Variants in PDE4C observed in about 807,000 individuals in gnomAD.
PDE4C encodes the protein 3',5'-cyclic-AMP phosphodiesterase 4C.
PDE4C carries 50 observed loss-of-function variants against 63.9 expected under a neutral mutation model. That is an observed-to-expected ratio of 0.78 (90% CI 0.62 to 0.99). PDE4C has a LOEUF of 0.99. Ranked by LOEUF, PDE4C falls within the 50% of genes least tolerant of loss-of-function variation. The pLI is 0.00. For synonymous variants in PDE4C, 377 were observed against 385.1 expected, an observed-to-expected ratio of 0.98 and a Z score of 0.25; for missense variants, 777 against 899.1, an observed-to-expected ratio of 0.86 and a Z score of 1.74.
chr19:18,251,286 T>C (rs931233283), upstream of PDE4C, among the ~76,000 whole-genome samples: 1 of 150,122 alleles, frequency 6.7e-6, no homozygotes, highest in African/African-American at 2.5e-5. Context: ...CCACCATGCC[T>C]GGCTATTTTT....
intron 1 of PDE4C, among the ~76,000 whole-genome samples, chr19:18,239,456 A>G (rs978755674): frequency 1.3e-5 from 2 of 152,196 alleles, no homozygotes; most frequent in African/African-American, 4.8e-5. Flanking sequence ...CAGTTTGCCC[A>G]TCTGGGAAAT....
upstream of PDE4C, chr19:18,252,306 C>G (rs1339359945): frequency 5.0e-5 from 20 of 398,890 alleles, no homozygotes; most frequent in African/African-American, 3.5e-4. Context: ...AGGGGTTGCC[C>G]CTGAACTTGA....
At chr19:18,237,675 A>G (rs986398428), upstream of PDE4C, among the ~76,000 whole-genome samples, 4 of 151,906 alleles carry the variant, frequency 2.6e-5, no homozygotes, top group African/African-American at 9.7e-5. Context: ...GATCAATACC[A>G]TCCTGGCTAA....
chr19:18,234,933 G>T (rs1282662978), upstream of PDE4C, among the ~76,000 whole-genome samples: 1 of 152,154 alleles, frequency 6.6e-6, no homozygotes, highest in Non-Finnish European at 1.5e-5. Flanking sequence ...CTGACTGTGG[G>T]AGACAACTTG....
intron 9 of PDE4C, among the ~76,000 whole-genome samples, 185 bp from the exon 10 acceptor site, chr19:18,218,683 G>T (rs1968322846): frequency 6.6e-6 from 1 of 152,248 alleles, no homozygotes; most frequent in Non-Finnish European, 1.5e-5. Context: ...CTACAGGACT[G>T]GGGGTGTCTC....
upstream of PDE4C, chr19:18,250,312 C>A (rs1390829898): frequency 1.5e-5 from 6 of 399,030 alleles, no homozygotes; most frequent in Non-Finnish European, 2.2e-5. Context: ...CCTACCTTAC[C>A]ATGGACACCT....
exon 9 of PDE4C, chr19:18,218,974 C>T (rs2229228): frequency 0.31 from 501,111 of 1,611,852 alleles, 81,304 homozygotes; most frequent in Non-Finnish European, 0.33. Flanking sequence ...TGTGAGGGGC[C>T]GGTTCCCACT....
exon 14 of PDE4C, chr19:18,211,837 C>T (rs1482436866): frequency 6.2e-7 from 1 of 1,614,154 alleles, no homozygotes; most frequent in Non-Finnish European, 8.5e-7. Context: ...CGCGGTCTCC[C>T]TGCTGGAAGA....
intron 11 of PDE4C, 34 bp from the exon 12 acceptor site, chr19:18,216,929 C>G: frequency 1.3e-6 from 2 of 1,557,626 alleles, no homozygotes; most frequent in Non-Finnish European, 1.7e-6. Flanking sequence ...CCCCAAGATC[C>G]ACCCGCCCCA....
chr19:18,224,573 T>G (rs969734345), intron 1 of PDE4C: 1 of 939,290 alleles, frequency 1.1e-6, no homozygotes, highest in Non-Finnish European at 1.3e-6. Context: ...AGACTTCGGA[T>G]AAGTTCGAGC....
upstream of PDE4C, among the ~76,000 whole-genome samples, chr19:18,248,751 G>A (rs960132195): frequency 2.0e-5 from 3 of 152,106 alleles, no homozygotes; most frequent in Non-Finnish European, 2.9e-5. Context: ...TTGGCTGGGC[G>A]CGGTGGCTCA....
chr19:18,219,339 C>T, exon 8 of PDE4C: 1 of 1,614,006 alleles, frequency 6.2e-7, no homozygotes, highest in Non-Finnish European at 8.5e-7. Context: ...TGATCCGGGA[C>T]ATGGGCTGTG....
intron 2 of PDE4C, among the ~76,000 whole-genome samples, chr19:18,221,592 C>T (rs1968487279): frequency 6.6e-6 from 1 of 150,944 alleles, no homozygotes. Flanking sequence ...TCATTTGCTG[C>T]TAATTGGCCT....
chr19:18,215,523 A>ATT (rs541345602), intron 12 of PDE4C, among the ~76,000 whole-genome samples: 6 of 148,260 alleles, frequency 4.0e-5, no homozygotes, highest in African/African-American at 1.5e-4. Flanking sequence ...GATGTGTATA[A>ATT]TTTTTTTTTT....
chr19:18,221,273 C>T (rs768698724), exon 3 of PDE4C: 120 of 1,543,970 alleles, frequency 7.8e-5, no homozygotes, highest in Non-Finnish European at 9.6e-5. Flanking sequence ...GGGCAAAGGG[C>T]GTCACAATCA....
At chr19:18,211,884 G>A in exon 14 of PDE4C, 3 of 1,614,240 alleles carry the variant, frequency 1.9e-6, no homozygotes, top group Non-Finnish European at 1.7e-6. Context: ...TGGCGGTACA[G>A]GGGCAGCGGC....
intron 2 of PDE4C, among the ~76,000 whole-genome samples, chr19:18,221,657 C>T (rs1383422401): frequency 6.6e-6 from 1 of 152,152 alleles, no homozygotes; most frequent in Non-Finnish European, 1.5e-5. Context: ...CAGACTCTTG[C>T]TCTTTCGCCC....
intron 1 of PDE4C, among the ~76,000 whole-genome samples, chr19:18,243,512 G>A (rs538523727): frequency 1.3e-3 from 197 of 151,958 alleles, no homozygotes; most frequent in Non-Finnish European, 3.5e-4. Flanking sequence ...GAAAATTGGG[G>A]GAAGCACCAG....
chr19:18,226,316 G>T, exon 1 of PDE4C: 2 of 1,568,088 alleles, frequency 1.3e-6, no homozygotes, highest in South Asian at 1.2e-5. Flanking sequence ...CGGATGCTCT[G>T]ATTCACCAAA....
Sources: allele counts gnomAD v4.1 joint callset (sites outside exome capture counted in the v4.1 genomes callset), GRCh38; gene constraint gnomAD v4.1.1; transcripts MANE v1.5; gene names NCBI Gene and HGNC (gene_info 2026-07-23, HGNC 2026-07-21).